PTPRD: variants seen among roughly 807,000 people sequenced by gnomAD.
The protein encoded by PTPRD is protein tyrosine phosphatase receptor type D.
A neutral mutation model predicts 214.5 loss-of-function variants in PTPRD; 34 were observed. The observed-to-expected ratio is 0.16, with a 90% CI of 0.12 to 0.21. PTPRD has a LOEUF of 0.21. Ranked by LOEUF, PTPRD falls within the 10% of genes least tolerant of loss-of-function variation. PTPRD has a pLI of 1.00. For synonymous variants in PTPRD, 1,128 were observed against 845.7 expected, an observed-to-expected ratio of 1.33 and a Z score of -5.79; for missense variants, 2,545 against 2,398.7, an observed-to-expected ratio of 1.06 and a Z score of -1.27.
intron 11 of PTPRD, among the ~76,000 whole-genome samples, chr9:8,972,210 G>T (rs966590740): frequency 7.9e-5 from 12 of 151,774 alleles, no homozygotes; most frequent in African/African-American, 2.9e-4. Context: ...TCTTTCAGTA[G>T]ACTAATACGG....
intron 3 of PTPRD, among the ~76,000 whole-genome samples, chr9:10,190,420 A>AC (rs1564422356): frequency 3.0e-4 from 19 of 64,116 alleles, no homozygotes; most frequent in African/African-American, 1.1e-3. Flanking sequence ...AAAAAAAAAA[A>AC]CAAAAAGTCA....
At chr9:9,819,895 T>C (rs998391065) in intron 5 of PTPRD, among the ~76,000 whole-genome samples, 1 of 152,182 alleles carries the variant, frequency 6.6e-6, no homozygotes, top group South Asian at 2.1e-4. Context: ...CAGTCCATTG[T>C]TGATGGACAC....
chr9:8,826,632 CT>C (rs33934836), intron 11 of PTPRD, among the ~76,000 whole-genome samples: 18,164 of 145,292 alleles, frequency 0.13, 1,346 homozygotes, highest in East Asian at 0.28. Context: ...CAGGCACCAT[CT>C]TTTTTTTTTT....
intron 31 of PTPRD, among the ~76,000 whole-genome samples, chr9:8,468,814 A>AC (rs1327017430): frequency 6.6e-6 from 1 of 151,384 alleles, no homozygotes; most frequent in Non-Finnish European, 1.5e-5. Context: ...AAAAAAAAAA[A>AC]AAACTCTCTG....
At chr9:8,941,955 A>G (rs2099036646) in intron 11 of PTPRD, among the ~76,000 whole-genome samples, 2 of 152,116 alleles carry the variant, frequency 1.3e-5, no homozygotes, top group Middle Eastern at 3.4e-3. Flanking sequence ...ACAGGCGCCC[A>G]CTACCATGCC....
At chr9:10,529,541 G>C (rs79315641) in intron 2 of PTPRD, among the ~76,000 whole-genome samples, 12,381 of 150,174 alleles carry the variant, frequency 0.082, 596 homozygotes, top group Middle Eastern at 0.13. Flanking sequence ...GGCACAGGGA[G>C]GGGAACATCA....
At chr9:9,105,891 G>A (rs944661248) in intron 10 of PTPRD, among the ~76,000 whole-genome samples, 3 of 152,074 alleles carry the variant, frequency 2.0e-5, no homozygotes, top group East Asian at 1.9e-4. Context: ...ACTTAGCTAC[G>A]ACTCCACCCA....
chr9:10,231,989 AGTGTGTGTGTGT>A (rs61314978), intron 3 of PTPRD, among the ~76,000 whole-genome samples: 1 of 92,436 alleles, frequency 1.1e-5, no homozygotes, highest in African/African-American at 5.3e-5. Flanking sequence ...AGAGAGAGAG[AGTGTGTGTGTGT>A]GTGTGTGTGT....
At chr9:8,769,017 G>A (rs1470912489) in intron 11 of PTPRD, among the ~76,000 whole-genome samples, 2 of 152,132 alleles carry the variant, frequency 1.3e-5, no homozygotes, top group Non-Finnish European at 2.9e-5. Context: ...CAGGGGAGGT[G>A]TTTAGCCAAA....
intron 3 of PTPRD, among the ~76,000 whole-genome samples, chr9:10,179,253 G>A (rs1313907749): frequency 6.6e-6 from 1 of 151,816 alleles, no homozygotes; most frequent in East Asian, 1.9e-4. Flanking sequence ...CAGCTTAAAA[G>A]AAAACAATTA....
chr9:10,541,585 AAGTT>A (rs1457811085), intron 2 of PTPRD, among the ~76,000 whole-genome samples: 10 of 151,948 alleles, frequency 6.6e-5, no homozygotes, highest in Admixed American at 1.3e-4. Flanking sequence ...AATAAAGAAA[AAGTT>A]AGTTACCATT....
chr9:8,404,232 G>A (rs558679869), intron 36 of PTPRD, among the ~76,000 whole-genome samples: 35 of 152,252 alleles, frequency 2.3e-4, no homozygotes, highest in African/African-American at 8.4e-4. Context: ...GGGTTCAAGT[G>A]ATTCTCCTGC....
Position 8,680,880 on chromosome 9 carries a change from C to T in PTPRD, c.65-44036G>A, listed in dbSNP as rs146170885. On this transcript the variant is annotated intron_variant, in intron 12 of 45. Transcript: ENST00000381196. ...ATCCAACATGTAGTCGAATGATTGG[C>T]CTCACGGGACTGATTTGAGTTTCAG... 7.9e-5 allele frequency among the ~76,000 whole-genome samples: 12 copies of T among 152,278 alleles called. No homozygotes were observed. In the South Asian group the frequency reaches 1.2e-3, roughly 16 times the overall value.
At position 10,249,096 on chromosome 9, in the gene PTPRD, A is replaced by G. The variant is rs1203546182; in HGVS notation, c.-545+91867T>C. Among the ~76,000 whole-genome samples, 3 of 152,084 alleles carry G rather than the reference A, an allele frequency of 2.0e-5. No individual in the cohort carries two copies. The East Asian group carries it at 5.8e-4, about 29-fold the overall frequency. ...TATATATCTTAAGTCAGCAAATTTG[A>G]CCTGCATTTCAAAATCTTCAACACC... On this transcript the variant is annotated intron_variant, in intron 3 of 45. Coordinates refer to ENST00000381196, the MANE Select transcript of PTPRD (RefSeq NM_002839.4).
intron 3 of PTPRD, among the ~76,000 whole-genome samples, chr9:10,307,194 CA>C (rs35433273): frequency 0.12 from 17,699 of 149,884 alleles, 2,481 homozygotes; most frequent in African/African-American, 0.32. Flanking sequence ...ATGTTTTTAC[CA>C]ATTAAATAAC....
intron 3 of PTPRD, among the ~76,000 whole-genome samples, chr9:10,313,568 A>G (rs1438155655): frequency 6.6e-6 from 1 of 151,970 alleles, no homozygotes. Flanking sequence ...TTGAAGATAA[A>G]GTAGCTATTT....
intron 4 of PTPRD, among the ~76,000 whole-genome samples, chr9:10,023,918 A>C (rs1399986480): frequency 6.6e-6 from 1 of 152,194 alleles, no homozygotes; most frequent in Non-Finnish European, 1.5e-5. Flanking sequence ...TATAATGATT[A>C]TGAATTACTT....
intron 7 of PTPRD, among the ~76,000 whole-genome samples, chr9:9,585,837 A>G (rs923634017): frequency 6.6e-6 from 1 of 152,068 alleles, no homozygotes; most frequent in African/African-American, 2.4e-5. Flanking sequence ...GGGGAGCAGG[A>G]AAATCTAACA....
At chr9:8,971,389 T>C (rs1373479449) in intron 11 of PTPRD, among the ~76,000 whole-genome samples, 3 of 151,800 alleles carry the variant, frequency 2.0e-5, no homozygotes, top group African/African-American at 7.2e-5. Flanking sequence ...ATACAGTGGT[T>C]AAATACTGGC....
Sources: gnomAD v4.1 joint callset for allele counts (sites outside exome capture counted in the v4.1 genomes callset) on GRCh38, gnomAD v4.1.1 for gene constraint, MANE v1.5 for transcripts, NCBI Gene and HGNC (gene_info 2026-07-23, HGNC 2026-07-21) for gene names.